Variants in NUMB observed in about 807,000 individuals in gnomAD.
NUMB encodes the protein NUMB endocytic adaptor protein, also known as protein numb homolog.
NUMB carries 29 observed loss-of-function variants against 59.7 expected under a neutral mutation model. That is an observed-to-expected ratio of 0.49 (90% CI 0.36 to 0.66). The LOEUF (loss-of-function observed/expected upper bound fraction) is 0.66, where lower values mean the gene tolerates loss of function less well. Ranked by LOEUF, NUMB falls within the 30% of genes least tolerant of loss-of-function variation. The pLI is 0.00. For synonymous variants in NUMB, 288 were observed against 288.2 expected, an observed-to-expected ratio of 1.00 and a Z score of 0.01; for missense variants, 723 against 822.0, an observed-to-expected ratio of 0.88 and a Z score of 1.47.
At chr14:73,371,868 A>C (rs989148664) in intron 2 of NUMB, among the ~76,000 whole-genome samples, 2 of 152,128 alleles carry the variant, frequency 1.3e-5, no homozygotes, top group Non-Finnish European at 2.9e-5. Context: ...ACTGTGAGAA[A>C]ATAAAATTCT....
At chr14:73,310,864 T>C (rs1287417135) in intron 6 of NUMB, among the ~76,000 whole-genome samples, 1 of 152,172 alleles carries the variant, frequency 6.6e-6, no homozygotes, top group Non-Finnish European at 1.5e-5. Context: ...GGAATACAGA[T>C]TACTTAGTTC....
intron 1 of NUMB, among the ~76,000 whole-genome samples, chr14:73,439,569 T>C (rs1035201675): frequency 1.3e-5 from 2 of 152,216 alleles, no homozygotes; most frequent in Non-Finnish European, 2.9e-5. Flanking sequence ...TGGATTTAAA[T>C]TTATCAAGGT....
At chr14:73,435,588 A>T (rs1898022004) in intron 1 of NUMB, among the ~76,000 whole-genome samples, 1 of 151,686 alleles carries the variant, frequency 6.6e-6, no homozygotes, top group Non-Finnish European at 1.5e-5. Context: ...ATTTCTTATA[A>T]AGTTAAACAC....
At chr14:73,366,376 T>TAA (rs1166503856) in intron 3 of NUMB, among the ~76,000 whole-genome samples, 1 of 152,222 alleles carries the variant, frequency 6.6e-6, no homozygotes, top group Non-Finnish European at 1.5e-5. Context: ...AACGTTGCTT[T>TAA]ATCCATATTT....
At chr14:73,436,783 A>G (rs937259270) in intron 1 of NUMB, among the ~76,000 whole-genome samples, 2 of 151,610 alleles carry the variant, frequency 1.3e-5, no homozygotes, top group African/African-American at 4.8e-5. Flanking sequence ...GATCAAGACC[A>G]TCCTGGCTAA....
chr14:73,367,694 G>A (rs1464865245), intron 2 of NUMB, among the ~76,000 whole-genome samples: 1 of 149,804 alleles, frequency 6.7e-6, no homozygotes, highest in Non-Finnish European at 1.5e-5. Flanking sequence ...AGGATAGGTT[G>A]AGCCTGGGAG....
chr14:73,282,587 T>G, intron 10 of NUMB, 82 bp from the exon 11 acceptor site: 1 of 1,418,410 alleles, frequency 7.1e-7, no homozygotes, highest in South Asian at 1.3e-5. Flanking sequence ...GCTGGCACTT[T>G]ATACTGTATC....
chr14:73,360,332 G>C (rs1441754057), intron 3 of NUMB, among the ~76,000 whole-genome samples: 2 of 152,166 alleles, frequency 1.3e-5, no homozygotes, highest in African/African-American at 4.8e-5. Flanking sequence ...GAGGCAGGTG[G>C]ATCACCTGGG....
intron 4 of NUMB, among the ~76,000 whole-genome samples, chr14:73,343,040 G>A (rs531247359): frequency 3.3e-5 from 5 of 151,228 alleles, no homozygotes; most frequent in South Asian, 4.2e-4. Context: ...CCTATGTTGC[G>A]GAGGCTTCAA....
intron 7 of NUMB, 38 bp downstream of exon 7, chr14:73,297,173 A>G (rs758822398): frequency 7.1e-7 from 1 of 1,412,718 alleles, no homozygotes; most frequent in Non-Finnish European, 9.9e-7. Flanking sequence ...ATCTCCAAAA[A>G]AAATAAAATA....
chr14:73,333,063 G>C (rs557290513), intron 4 of NUMB, among the ~76,000 whole-genome samples: 1 of 152,112 alleles, frequency 6.6e-6, no homozygotes, highest in African/African-American at 2.4e-5. Flanking sequence ...TATTTTTCTT[G>C]AAGTACCTGT....
intron 2 of NUMB, among the ~76,000 whole-genome samples, chr14:73,400,018 G>A (rs993527275): frequency 9.9e-5 from 15 of 151,990 alleles, no homozygotes; most frequent in African/African-American, 2.2e-4. Flanking sequence ...CAGCCTGGGC[G>A]ATGGAGTGAG....
At chr14:73,277,321 G>T (rs770947797) in intron 12 of NUMB, 28 bp from the exon 13 acceptor site, 45 of 1,522,674 alleles carry the variant, frequency 3.0e-5, no homozygotes, top group Admixed American at 1.8e-5. Context: ...AGAGACAAAA[G>T]AATCAGTTAG....
chr14:73,373,396 ATATATTGGGCTT>A, intron 2 of NUMB, among the ~76,000 whole-genome samples: 1 of 152,260 alleles, frequency 6.6e-6, no homozygotes, highest in African/African-American at 2.4e-5. Flanking sequence ...TACTAGTATA[ATATATTGGGCTT>A]TAGCCTCAGA....
At chr14:73,327,452 T>C (rs1891722618) in intron 4 of NUMB, among the ~76,000 whole-genome samples, 1 of 152,102 alleles carries the variant, frequency 6.6e-6, no homozygotes, top group Non-Finnish European at 1.5e-5. Flanking sequence ...AGATGGGATT[T>C]CACCATACTG....
Position 73,277,201 on chromosome 14 carries a change from C to G in NUMB, c.1333G>C (p.Glu445Gln), listed in dbSNP as rs1159548548. The G allele has an allele frequency of 1.2e-6, 2 of 1,614,098 alleles. No homozygotes were observed. The highest frequency in any genetic ancestry group is 1.3e-5 in the African/African-American group (1 of 75,036). Residue 445 changes from glutamate to glutamine, a missense_variant, in exon 13 of 13, where the codon GAA becomes CAA. Glu to Gln is a conservative substitution (Grantham distance 29, BLOSUM62 2). Coordinates refer to ENST00000555238, the MANE Select transcript of NUMB (RefSeq NM_001005743.2). Reference sequence around the variant, plus strand: ...GCCCGGACGCTCTTAGACACCTCTTCTAACCATCGGTCGGCCTCAGAGGGA... The same window carrying G: ...GCCCGGACGCTCTTAGACACCTCTTGTAACCATCGGTCGGCCTCAGAGGGA... ...RTPSEADRWL[E>Q]EVSKSVRAQQ...
intron 3 of NUMB, among the ~76,000 whole-genome samples, chr14:73,363,408 A>G (rs1193830811): frequency 6.6e-6 from 1 of 152,208 alleles, no homozygotes; most frequent in Non-Finnish European, 1.5e-5. Context: ...CATTTAGAAT[A>G]CTGCATACCT....
At chr14:73,362,360 T>C (rs1230841432) in intron 3 of NUMB, among the ~76,000 whole-genome samples, 1 of 150,712 alleles carries the variant, frequency 6.6e-6, no homozygotes, top group Non-Finnish European at 1.5e-5. Context: ...GTTCCAGAGA[T>C]GTTAAAGTGT....
chr14:73,377,902 G>A (rs1895033806), intron 2 of NUMB, among the ~76,000 whole-genome samples: 1 of 152,006 alleles, frequency 6.6e-6, no homozygotes, highest in Admixed American at 6.6e-5. Context: ...AGGAGGTGGA[G>A]GCTACAGTGA....
Sources: allele counts gnomAD v4.1 joint callset (sites outside exome capture counted in the v4.1 genomes callset), GRCh38; gene constraint gnomAD v4.1.1; transcripts MANE v1.5; gene names NCBI Gene and HGNC (gene_info 2026-07-23, HGNC 2026-07-21).